Variants in STRIP1 observed in about 807,000 individuals in gnomAD.
The protein encoded by STRIP1 is striatin interacting protein 1, also known as striatin-interacting protein 1.
In STRIP1, 63 loss-of-function variants were observed where a neutral mutation model predicts 106.2. The ratio of observed to expected loss-of-function variants is 0.59; its 90% CI spans 0.48 to 0.73. The LOEUF (loss-of-function observed/expected upper bound fraction) is 0.73, where lower values mean the gene tolerates loss of function less well. STRIP1 is among the 30% of genes least tolerant of loss of function. STRIP1 has a pLI of 0.00. For synonymous variants in STRIP1, 390 were observed against 413.0 expected, an observed-to-expected ratio of 0.94 and a Z score of 0.67; for missense variants, 857 against 1,074.8, an observed-to-expected ratio of 0.80 and a Z score of 2.83.
chr1:110,039,367 G>T, intron 4 of STRIP1, 28 bp from the exon 5 acceptor site: 1 of 1,614,050 alleles, frequency 6.2e-7, no homozygotes, highest in South Asian at 1.1e-5. Flanking sequence ...GCAGGGAGGG[G>T]CTCAGTGAGT....
chr1:110,045,093 G>T lies in STRIP1; in HGVS notation c.1416+15G>T. The T allele has an allele frequency of 1.2e-6, 2 of 1,613,748 alleles. No homozygotes were observed. Among genetic ancestry groups the T allele is most frequent in the Non-Finnish European group, 1.7e-6 (2 of 1,179,708 alleles). ...CTCTGAAACAGGTGAGTGGCTTTGGGTGAGCTTTTGGCTTGTTTGGTCCTA... is the reference window on the plus strand; with the variant it reads ...CTCTGAAACAGGTGAGTGGCTTTGGTTGAGCTTTTGGCTTGTTTGGTCCTA... On this transcript the variant is annotated intron_variant, in intron 12 of 20. Transcript: ENST00000369795.
intron 19 of STRIP1, 105 bp downstream of exon 19, chr1:110,051,165 C>CT: frequency 1.3e-6 from 1 of 765,764 alleles, no homozygotes; most frequent in South Asian, 1.5e-5. Context: ...TCTCACTTAA[C>CT]TTTGCTGTAG....
intron 10 of STRIP1, 34 bp downstream of exon 10, chr1:110,043,890 C>T: frequency 6.3e-7 from 1 of 1,594,134 alleles, no homozygotes; most frequent in Non-Finnish European, 8.6e-7. Flanking sequence ...CTCATAGTTC[C>T]TGAGGCAGAG....
Position 110,046,666 on chromosome 1 carries a change from ATC to A in STRIP1, c.1417-9_1417-8del. 1 of 1,613,002 alleles carries A rather than the reference ATC, an allele frequency of 6.2e-7. No individual in the cohort carries two copies. On this transcript the variant is annotated splice_polypyrimidine_tract_variant and intron_variant, in intron 12 of 20. Transcript: ENST00000369795. ...TGTTTTCCCCAGCCCTTCTTTTCCC[ATC>A]TCTCCCACCAGCACAAGTACACGTC...
chr1:110,052,289 A>G (rs750573709), intron 20 of STRIP1, among the ~76,000 whole-genome samples: 3 of 152,068 alleles, frequency 2.0e-5, no homozygotes, highest in Non-Finnish European at 2.9e-5. Context: ...TGTTTTTTAA[A>G]GATAGGGTCT....
chr1:110,053,329 A>G (rs1653390879), intron 20 of STRIP1, among the ~76,000 whole-genome samples: 1 of 152,230 alleles, frequency 6.6e-6, no homozygotes. Context: ...TGGGGAGTTG[A>G]GAGAGAATGA....
At chr1:110,038,947 A>G in intron 3 of STRIP1, 190 bp downstream of exon 3, 2 of 700,416 alleles carry the variant, frequency 2.9e-6, no homozygotes, top group Non-Finnish European at 4.7e-6. Context: ...CAGAATGTGC[A>G]TATTAGGGGA....
intron 13 of STRIP1, 128 bp downstream of exon 13, chr1:110,046,879 G>A (rs1046078585): frequency 2.0e-5 from 12 of 611,706 alleles, no homozygotes; most frequent in Middle Eastern, 1.0e-3. Context: ...GTGAAACCCC[G>A]TCTCTACTAA....
At chr1:110,052,713 A>C (rs1653356541) in intron 20 of STRIP1, among the ~76,000 whole-genome samples, 1 of 151,870 alleles carries the variant, frequency 6.6e-6, no homozygotes, top group Non-Finnish European at 1.5e-5. Context: ...CAAGAGATGC[A>C]CCCACCTCGG....
chr1:110,037,902 G>A lies in STRIP1; in HGVS notation c.192G>A (p.Glu64=). Residue 64 remains glutamate (E), a synonymous_variant, in exon 2 of 21, where the codon GAG becomes GAA. Transcript: ENST00000369795. ...CCTCTTGTCAGCAGGGCTATTCGGAGTCACCAGACCTGGAGTTTGAGTATG... is the reference window on the plus strand; with the variant it reads ...CCTCTTGTCAGCAGGGCTATTCGGAATCACCAGACCTGGAGTTTGAGTATG... ...NQRKDSEGYS[E]SPDLEFEYAD... is the part of the protein sequence containing the mutation. 1 of 1,610,518 alleles carries A rather than the reference G, an allele frequency of 6.2e-7. No homozygotes were observed. The highest frequency in any genetic ancestry group is 8.5e-7 in the Non-Finnish European group (1 of 1,177,200).
Position 110,043,702 on chromosome 1 carries a change from T to C in STRIP1, c.1132T>C (p.Ser378Pro), listed in dbSNP as rs751115577. 1.9e-6 allele frequency: 3 copies of C among 1,614,136 alleles called. No individual in the cohort carries two copies. Among genetic ancestry groups the C allele is most frequent in the Non-Finnish European group, 2.5e-6 (3 of 1,180,022 alleles). Residue 378 changes from serine (S) to proline (P), a missense_variant, in exon 10 of 21, where the codon TCT becomes CCT. Around this residue, in one of 2 missense-constraint regions of STRIP1, gnomAD observed 750 missense variants for 989.8 expected, o/e 0.76. Transcript: ENST00000369795. ...NERDPYKADD[S>P]REEEEENDDD... ...GCGGGATCCCTACAAGGCTGATGACTCTCGAGAAGAGGAAGAGGAGAATGA... is the reference window on the plus strand; with the variant it reads ...GCGGGATCCCTACAAGGCTGATGACCCTCGAGAAGAGGAAGAGGAGAATGA...
intron 20 of STRIP1, among the ~76,000 whole-genome samples, chr1:110,052,406 C>T (rs1004380050): frequency 6.6e-6 from 1 of 152,214 alleles, no homozygotes; most frequent in East Asian, 1.9e-4. Context: ...GAACCACAGG[C>T]ACATGCCACT....
At position 110,047,447 on chromosome 1, in the gene STRIP1, A is replaced by C. The variant is rs1055567413; in HGVS notation, c.1489-95A>C. Reference sequence around the variant, plus strand: ...CATCATTAACATCATTATGTACATCACTGTTTACAGGTTTTCCTCCAGCCA... The same window carrying C: ...CATCATTAACATCATTATGTACATCCCTGTTTACAGGTTTTCCTCCAGCCA... On this transcript the variant is annotated intron_variant, in intron 13 of 20. Coordinates refer to ENST00000369795, the MANE Select transcript of STRIP1 (RefSeq NM_033088.4). 6 of 882,534 alleles carry C rather than the reference A, an allele frequency of 6.8e-6. No homozygotes were observed. In the Admixed American group the frequency reaches 8.3e-5, roughly 12 times the overall value. 54.7% of individuals were successfully genotyped at this position (882,534 alleles called of 1,614,324 possible).
At chr1:110,035,116 C>T (rs1351554800) in intron 1 of STRIP1, among the ~76,000 whole-genome samples, 1 of 152,204 alleles carries the variant, frequency 6.6e-6, no homozygotes, top group African/African-American at 2.4e-5. Flanking sequence ...CTGGGGAAGC[C>T]GCTCTCGCCC....
Position 110,034,662 on chromosome 1 carries a change from G to C in STRIP1, c.25G>C (p.Gly9Arg), listed in dbSNP as rs1203685649. MEPAVGGP[G>R]PLIVNNKQPQ... ...GATGGAGCCGGCAGTCGGCGGTCCG[G>C]GCCCACTGATCGTGAACAACAAACA... is the stretch of plus-strand genomic sequence containing the variant. Residue 9 changes from glycine to arginine, a missense_variant, in exon 1 of 21, where the codon GGC becomes CGC. Physicochemically the swap from Gly to Arg is moderately radical, Grantham distance 125. This residue lies in a region of STRIP1 where 107 missense variants were observed against 85.1 expected (regional missense o/e 1.26). Coordinates refer to ENST00000369795, the MANE Select transcript of STRIP1 (RefSeq NM_033088.4). The C allele has an allele frequency of 5.3e-6, 8 of 1,523,198 alleles. No homozygotes were observed. The highest frequency in any genetic ancestry group is 4.2e-5 in the Admixed American group (2 of 47,498). 94.4% of individuals were successfully genotyped at this position (1,523,198 alleles called of 1,614,324 possible).
At chr1:110,042,786 C>G (rs75358897) in intron 8 of STRIP1, 3 of 268,412 alleles carry the variant, frequency 1.1e-5, no homozygotes, top group Non-Finnish European at 2.1e-5. Flanking sequence ...TAGGAACTTG[C>G]AGGGTTAGGC....
Position 110,047,630 on chromosome 1 carries a change from G to A in STRIP1, c.1563+14G>A. 3 of 1,602,734 alleles carry A rather than the reference G, an allele frequency of 1.9e-6. No homozygotes were observed. The highest frequency in any genetic ancestry group is 8.5e-7 in the Non-Finnish European group (1 of 1,173,720). Reference sequence around the variant, plus strand: ...CCTCAGTATATGGTGAGTGGTGCCTGCAGTGGGACACTCCCACTACACTGG... The same window carrying A: ...CCTCAGTATATGGTGAGTGGTGCCTACAGTGGGACACTCCCACTACACTGG... On this transcript the variant is annotated intron_variant, in intron 14 of 20. Transcript: ENST00000369795.
rs752302934 is a variant in STRIP1 at position 110,051,551 on chromosome 1, T to A, written c.2062-132T>A. The A allele has an allele frequency of 6.3e-4, 561 of 884,688 alleles. 1 individual carries two copies. Among genetic ancestry groups the A allele is most frequent in the Non-Finnish European group, 9.0e-4 (518 of 576,516 alleles). 54.8% of individuals were successfully genotyped at this position (884,688 alleles called of 1,614,324 possible). A position where few individuals can be genotyped will look rare whatever the true frequency, so the allele number is the denominator to read the frequency against. On this transcript the variant is annotated intron_variant, in intron 19 of 20. Transcript: ENST00000369795. ...AAAGTCCTATGTATCAGGAAACTCT[T>A]CAGTCCAAGGGAAACTGGGATGGTT...
rs374128518 is a variant in STRIP1 at position 110,043,716 on chromosome 1, A to G, written c.1146A>G (p.Glu382=). 4 of 1,614,076 alleles carry G rather than the reference A, an allele frequency of 2.5e-6. No homozygotes were observed. In the African/African-American group the frequency reaches 4.0e-5, roughly 16 times the overall value. The change falls in exon 10 of 21, where the codon GAA becomes GAG. Residue 382 remains glutamate (E), a synonymous_variant. Transcript: ENST00000369795. ...PYKADDSREE[E]EENDDDNSLE... Reference sequence around the variant, plus strand: ...AGGCTGATGACTCTCGAGAAGAGGAAGAGGAGAATGATGATGACAACAGTC... The same window carrying G: ...AGGCTGATGACTCTCGAGAAGAGGAGGAGGAGAATGATGATGACAACAGTC...
Sources: allele counts gnomAD v4.1 joint callset (sites outside exome capture counted in the v4.1 genomes callset), GRCh38; gene constraint gnomAD v4.1.1; regional missense constraint gnomAD v4.1.1; transcripts MANE v1.5; gene names NCBI Gene and HGNC (gene_info 2026-07-23, HGNC 2026-07-21).